The following ORC4 variants were observed in gnomAD, a reference collection of about 807,000 sequenced individuals.
ORC4 encodes origin recognition complex subunit 4, also known as origin recognition complex, subunit 4 homolog.
Under a neutral mutation model 63.9 loss-of-function variants are expected in ORC4, and 55 were observed. That is an observed-to-expected ratio of 0.86 (90% CI 0.69 to 1.08). The LOEUF (loss-of-function observed/expected upper bound fraction) is 1.08, where lower values mean the gene tolerates loss of function less well. Ranked by LOEUF, ORC4 falls within the 50% of genes least tolerant of loss-of-function variation. The pLI is 0.00. For missense variants in ORC4, 511 were observed against 504.4 expected (o/e 1.01, Z -0.13); for synonymous variants, 150 against 168.5 (o/e 0.89, Z 0.85).
At chr2:147,991,556 T>G (rs557949445) in intron 1 of ORC4, among the ~76,000 whole-genome samples, 1 of 151,956 alleles carries the variant, frequency 6.6e-6, no homozygotes, top group Non-Finnish European at 1.5e-5. Flanking sequence ...TGGCCGGGCA[T>G]GGTGGCTCAC....
upstream of ORC4, chr2:148,021,222 G>A (rs535954547): frequency 1.2e-5 from 3 of 258,832 alleles, no homozygotes; most frequent in South Asian, 1.2e-4. Context: ...TTGAATTCAG[G>A]GGGGTGGGGG....
At chr2:147,995,678 A>G (rs1691919799) in intron 1 of ORC4, among the ~76,000 whole-genome samples, 1 of 151,826 alleles carries the variant, frequency 6.6e-6, no homozygotes, top group African/African-American at 2.4e-5. Flanking sequence ...GAGCTGTAAC[A>G]CTCACTGCGA....
chr2:147,996,332 C>T (rs1422852098), intron 1 of ORC4, among the ~76,000 whole-genome samples: 1 of 151,886 alleles, frequency 6.6e-6, no homozygotes, highest in Non-Finnish European at 1.5e-5. Context: ...AAACAAAATT[C>T]CAAAAATGTA....
intron 1 of ORC4, among the ~76,000 whole-genome samples, chr2:147,998,861 T>C (rs1294304681): frequency 6.6e-6 from 1 of 152,070 alleles, no homozygotes; most frequent in Non-Finnish European, 1.5e-5. Flanking sequence ...TAGGAAAAGG[T>C]AGCAACCCCA....
At chr2:147,995,867 T>G (rs552487672) in intron 1 of ORC4, among the ~76,000 whole-genome samples, 2 of 151,818 alleles carry the variant, frequency 1.3e-5, no homozygotes, top group African/African-American at 4.8e-5. Flanking sequence ...AAGAACCCAA[T>G]GGAAGGAATA....
At position 147,935,669 on chromosome 2, in the gene ORC4, T is replaced by C. The variant is rs2105247409; in HGVS notation, c.1152A>G (p.Leu384=). The C allele has an allele frequency of 6.2e-7, 1 of 1,613,086 alleles. No homozygotes were observed. The highest frequency in any genetic ancestry group is 2.2e-5 in the East Asian group (1 of 44,850). The part of the protein sequence containing the change: ...KAFEHLQQLE[L]IKPMERTSGN... Reference sequence around the variant, plus strand: ...CTGAAGTTCTTTCCATGGGCTTTATTAATTCTAATTGCTGCAAGTGTTCAA... The same window carrying C: ...CTGAAGTTCTTTCCATGGGCTTTATCAATTCTAATTGCTGCAAGTGTTCAA... The change falls in exon 14 of 14, where the codon TTA becomes TTG. Residue 384 remains leucine, a synonymous_variant. Transcript: ENST00000392857.
rs766820704 is a variant in ORC4, at chr2:147,943,431, C to A, written c.849+5G>T. On this transcript the variant is annotated splice_donor_5th_base_variant and intron_variant, in intron 10 of 13. Coordinates refer to ENST00000392857, the MANE Select transcript of ORC4 (RefSeq NM_181741.4). Reference sequence around the variant, plus strand: ...AACAAGCAATAAAACAAAACTAATACAAACCAATAGCATGTGTAATGACCG... The same window carrying A: ...AACAAGCAATAAAACAAAACTAATAAAAACCAATAGCATGTGTAATGACCG... 4 of 1,569,698 alleles carry A rather than the reference C, an allele frequency of 2.5e-6. No homozygotes were observed. Among genetic ancestry groups the A allele is most frequent in the African/African-American group, 1.4e-5 (1 of 73,702 alleles).
chr2:147,953,247 G>C (rs1689063673), intron 7 of ORC4, among the ~76,000 whole-genome samples: 1 of 151,848 alleles, frequency 6.6e-6, no homozygotes, highest in South Asian at 2.1e-4. Context: ...AGAGGTTGCA[G>C]TGAGCTGAGA....
Position 147,982,721 on chromosome 2 carries a change from A to G in ORC4, c.-17-6746T>C, listed in dbSNP as rs1025124246. ...AAGTTTTAGTCCAAAGGTTATTTTG[A>G]CATCTTCCCCCTTCATGTAATGGTC... is the stretch of plus-strand genomic sequence containing the variant. On this transcript the variant is annotated intron_variant, in intron 1 of 13. Transcript: ENST00000392857. Among the ~76,000 whole-genome samples, 4 of 152,222 alleles carry G rather than the reference A, an allele frequency of 2.6e-5. No homozygotes were observed. The East Asian group carries it at 7.7e-4, about 29-fold the overall frequency.
chr2:148,021,490 C>T (rs1039949390), upstream of ORC4: 29 of 576,954 alleles, frequency 5.0e-5, no homozygotes, highest in Non-Finnish European at 8.3e-5. Context: ...GTTGCTGCTG[C>T]TGCTGCTACT....
intron 4 of ORC4, among the ~76,000 whole-genome samples, chr2:147,962,889 C>T (rs991464324): frequency 6.6e-6 from 1 of 152,126 alleles, no homozygotes. Flanking sequence ...TTACCCCTGG[C>T]AGGCATGCCC....
intron 4 of ORC4, among the ~76,000 whole-genome samples, chr2:147,967,765 C>T (rs1279119354): frequency 6.6e-6 from 1 of 151,988 alleles, no homozygotes; most frequent in Non-Finnish European, 1.5e-5. Flanking sequence ...TATCATAACA[C>T]TAATGATATT....
intron 9 of ORC4, among the ~76,000 whole-genome samples, chr2:147,945,795 C>G (rs549964220): frequency 6.6e-6 from 1 of 152,042 alleles, no homozygotes; most frequent in Admixed American, 6.6e-5. Flanking sequence ...CCTGGATAAT[C>G]GGCACTAAGA....
chr2:147,940,746 A>T (rs1688323845), intron 10 of ORC4, among the ~76,000 whole-genome samples: 2 of 152,142 alleles, frequency 1.3e-5, no homozygotes, highest in African/African-American at 4.8e-5. Flanking sequence ...TTCTAAGTGA[A>T]GTAACTCAGG....
rs749984565 is a variant in ORC4 at position 147,952,424 on chromosome 2, A to C, written c.537T>G (p.Ile179Met). 2.5e-6 allele frequency: 4 copies of C among 1,610,812 alleles called. No individual in the cohort carries two copies. The highest frequency in any genetic ancestry group is 4.5e-5 in the East Asian group (2 of 44,808). ...NQTLLYNLFD[I>M]SQSAQTPIAV... is the part of the protein sequence containing the mutation. ...CTATTGGGGTCTGTGCAGACTGAGA[A>C]ATGTCAAAAAGATTATAGAGAAGTG... The change falls in exon 8 of 14, where the codon ATT (isoleucine) becomes ATG (methionine). Residue 179 changes from isoleucine (I) to methionine (M), a missense_variant. Coordinates refer to ENST00000392857, the MANE Select transcript of ORC4 (RefSeq NM_181741.4).
chr2:148,017,122 T>C (rs949721164), intron 1 of ORC4, among the ~76,000 whole-genome samples: 11 of 152,118 alleles, frequency 7.2e-5, no homozygotes, highest in Middle Eastern at 3.2e-3. Context: ...GGTAAACACA[T>C]AGGAACATCT....
intron 4 of ORC4, among the ~76,000 whole-genome samples, chr2:147,966,715 G>A (rs1269933135): frequency 1.3e-5 from 2 of 152,092 alleles, no homozygotes; most frequent in Non-Finnish European, 2.9e-5. Flanking sequence ...GGAATAAAAA[G>A]TCTTCCAACA....
chr2:147,981,147 T>C (rs1157452350), intron 1 of ORC4, among the ~76,000 whole-genome samples: 1 of 152,184 alleles, frequency 6.6e-6, no homozygotes, highest in Non-Finnish European at 1.5e-5. Context: ...TAATCTAATT[T>C]ATACAGTAGT....
At chr2:148,018,706 A>T (rs1693471794) in intron 1 of ORC4, among the ~76,000 whole-genome samples, 1 of 152,268 alleles carries the variant, frequency 6.6e-6, no homozygotes, top group Non-Finnish European at 1.5e-5. Flanking sequence ...ACTTACATAC[A>T]ATTAAGAAAC....
Sources: gnomAD v4.1 joint callset for allele counts (sites outside exome capture counted in the v4.1 genomes callset) on GRCh38, gnomAD v4.1.1 for gene constraint, MANE v1.5 for transcripts, NCBI Gene and HGNC (gene_info 2026-07-23, HGNC 2026-07-21) for gene names.